The following CCDC148 variants were observed in gnomAD, a reference collection of about 807,000 sequenced individuals.
The protein encoded by CCDC148 is coiled-coil domain-containing protein 148.
A neutral mutation model predicts 85.7 loss-of-function variants in CCDC148; 89 were observed. That is an observed-to-expected ratio of 1.04 (90% CI 0.87 to 1.24). The LOEUF (loss-of-function observed/expected upper bound fraction) is 1.24, where lower values mean the gene tolerates loss of function less well. Among genes scored for constraint, CCDC148 ranks in the 50% most tolerant of loss-of-function variants. The pLI is 0.00. For missense variants in CCDC148, 692 were observed against 671.7 expected (o/e 1.03, Z -0.33); for synonymous variants, 230 against 213.9 (o/e 1.08, Z -0.66).
At chr2:158,277,012 A>G (rs1445897495) in intron 9 of CCDC148, among the ~76,000 whole-genome samples, 1 of 152,246 alleles carries the variant, frequency 6.6e-6, no homozygotes. Flanking sequence ...TTTACATGCA[A>G]ATCACAGAAG....
intron 9 of CCDC148, among the ~76,000 whole-genome samples, chr2:158,280,334 A>G (rs1014631194): frequency 2.6e-5 from 4 of 152,212 alleles, no homozygotes; most frequent in Non-Finnish European, 5.9e-5. Flanking sequence ...AGACTGGCAA[A>G]TTGGATAAAG....
chr2:158,352,912 G>A (rs1280703684), intron 2 of CCDC148, among the ~76,000 whole-genome samples: 3 of 151,632 alleles, frequency 2.0e-5, no homozygotes, highest in African/African-American at 7.3e-5. Context: ...AGAGAGTGGG[G>A]GCCAATATTC....
chr2:158,311,832 A>C (rs535001499), intron 8 of CCDC148, among the ~76,000 whole-genome samples: 1 of 152,330 alleles, frequency 6.6e-6, no homozygotes, highest in East Asian at 1.9e-4. Flanking sequence ...TGCTATGCTC[A>C]TGAGGGACAT....
At position 158,382,303 on chromosome 2, in the gene CCDC148, G is replaced by A. The variant is rs547830809; in HGVS notation, c.26-23733C>T. 9.2e-5 allele frequency among the ~76,000 whole-genome samples: 14 copies of A among 152,204 alleles called. No homozygotes were observed. In the East Asian group the frequency reaches 2.7e-3, roughly 29 times the overall value. ...ACACACCAGATGTCTACCAATAGTAGAATAAATTGACGTATATTCACAAAT... is the reference window on the plus strand; with the variant it reads ...ACACACCAGATGTCTACCAATAGTAAAATAAATTGACGTATATTCACAAAT... On this transcript the variant is annotated intron_variant, in intron 1 of 13. Coordinates refer to ENST00000283233, the MANE Select transcript of CCDC148 (RefSeq NM_138803.4).
At chr2:158,387,125 C>T (rs1357455832) in intron 1 of CCDC148, among the ~76,000 whole-genome samples, 1 of 152,048 alleles carries the variant, frequency 6.6e-6, no homozygotes, top group Admixed American at 6.6e-5. Context: ...TTGCTCGTCA[C>T]AGTCTAGATC....
chr2:158,236,796 T>A (rs535087546), intron 10 of CCDC148, among the ~76,000 whole-genome samples: 2 of 152,304 alleles, frequency 1.3e-5, no homozygotes, highest in East Asian at 3.9e-4. Flanking sequence ...ATTCATTTAT[T>A]CAATCACTAA....
intron 10 of CCDC148, among the ~76,000 whole-genome samples, chr2:158,227,637 C>T (rs560786404): frequency 6.6e-6 from 1 of 152,234 alleles, no homozygotes; most frequent in Non-Finnish European, 1.5e-5. Flanking sequence ...GAACAGAGCC[C>T]TCAGAAATAA....
Position 158,185,079 on chromosome 2 carries a change from T to C in CCDC148, c.1371-6083A>G, listed in dbSNP as rs541825047. The stretch of plus-strand genomic sequence containing the variant: ...GTTTGCCTGTGCTAAACATTGCAGT[T>C]ATATGCCTCAGGACTGTTCCAAACT... On this transcript the variant is annotated intron_variant, in intron 11 of 13. Coordinates refer to ENST00000283233, the MANE Select transcript of CCDC148 (RefSeq NM_138803.4). Among the ~76,000 whole-genome samples, 16 of 152,330 alleles carry C rather than the reference T, an allele frequency of 1.1e-4. No individual in the cohort carries two copies. The East Asian group carries it at 2.3e-3, about 22-fold the overall frequency.
intron 1 of CCDC148, among the ~76,000 whole-genome samples, chr2:158,362,384 A>G (rs1188885087): frequency 6.6e-6 from 1 of 152,208 alleles, no homozygotes; most frequent in Non-Finnish European, 1.5e-5. Context: ...TCTCAGCACC[A>G]CATCGCACTT....
intron 1 of CCDC148, among the ~76,000 whole-genome samples, chr2:158,434,357 A>C (rs549633031): frequency 1.2e-3 from 182 of 152,322 alleles, no homozygotes; most frequent in Non-Finnish European, 2.0e-3. Flanking sequence ...CCAAGCAAAC[A>C]GGGTCTGGAG....
intron 8 of CCDC148, among the ~76,000 whole-genome samples, chr2:158,310,449 GAC>G (rs1477981806): frequency 2.0e-5 from 3 of 152,228 alleles, no homozygotes; most frequent in Admixed American, 1.3e-4. Flanking sequence ...ACACCTCCCA[GAC>G]AGGGTGGCGG....
At chr2:158,343,265 A>AC (rs1204188937) in intron 3 of CCDC148, among the ~76,000 whole-genome samples, 2 of 152,172 alleles carry the variant, frequency 1.3e-5, no homozygotes, top group Non-Finnish European at 2.9e-5. Context: ...GAAAAAGGAA[A>AC]AAGCTACTCA....
intron 7 of CCDC148, among the ~76,000 whole-genome samples, chr2:158,337,284 C>T (rs567833872): frequency 6.6e-6 from 1 of 152,212 alleles, no homozygotes; most frequent in South Asian, 2.1e-4. Flanking sequence ...AGGTACTGGG[C>T]CAGCCAACTT....
chr2:158,228,739 A>G (rs1362524181), intron 10 of CCDC148, among the ~76,000 whole-genome samples: 1 of 145,330 alleles, frequency 6.9e-6, no homozygotes, highest in Non-Finnish European at 1.5e-5. Context: ...GTTCTCACTC[A>G]TAGGTGGGAA....
chr2:158,207,310 T>C (rs1289664078), intron 11 of CCDC148, among the ~76,000 whole-genome samples: 1 of 152,152 alleles, frequency 6.6e-6, no homozygotes, highest in African/African-American at 2.4e-5. Context: ...TTTTCTGAGG[T>C]TCAATGCTGT....
intron 9 of CCDC148, among the ~76,000 whole-genome samples, chr2:158,269,641 C>T (rs1689615736): frequency 6.6e-6 from 1 of 152,176 alleles, no homozygotes; most frequent in African/African-American, 2.4e-5. Context: ...AGTTATAAGG[C>T]ACATTCTCTG....
At chr2:158,443,445 G>C (rs67643871) in intron 1 of CCDC148, among the ~76,000 whole-genome samples, 1 of 148,290 alleles carries the variant, frequency 6.7e-6, no homozygotes. Context: ...TCAAGGCTGC[G>C]GTCAGCCATG....
chr2:158,406,356 C>A (rs776052602), intron 1 of CCDC148, among the ~76,000 whole-genome samples: 1 of 152,000 alleles, frequency 6.6e-6, no homozygotes, highest in Non-Finnish European at 1.5e-5. Flanking sequence ...CACTGATATC[C>A]CAACTACATG....
At chr2:158,239,717 C>T (rs1688267471) in intron 10 of CCDC148, among the ~76,000 whole-genome samples, 1 of 152,034 alleles carries the variant, frequency 6.6e-6, no homozygotes, top group Non-Finnish European at 1.5e-5. Flanking sequence ...AATTAAACCT[C>T]CTATTCTACT....
Sources: allele counts gnomAD v4.1 joint callset (sites outside exome capture counted in the v4.1 genomes callset), GRCh38; gene constraint gnomAD v4.1.1; transcripts MANE v1.5; gene names NCBI Gene and HGNC (gene_info 2026-07-23, HGNC 2026-07-21).